Variants in CD47 observed in about 807,000 individuals in gnomAD.
The protein encoded by CD47 is leukocyte surface antigen CD47.
In CD47, 11 loss-of-function variants were observed where a neutral mutation model predicts 44.6. That is an observed-to-expected ratio of 0.25 (90% confidence interval 0.16 to 0.41). CD47 has a LOEUF of 0.41. Ranked by LOEUF, CD47 falls within the 10% of genes least tolerant of loss-of-function variation. The pLI is 1.00. For synonymous variants in CD47, 140 were observed against 136.3 expected, an observed-to-expected ratio of 1.03 and a Z score of -0.19; for missense variants, 306 against 386.7, an observed-to-expected ratio of 0.79 and a Z score of 1.75.
In CD47 at chr3:108,046,705, T is replaced by A. The variant is rs1260906511; in HGVS notation, c.*583A>T. 1 of 152,218 alleles carries A rather than the reference T, an allele frequency of 6.6e-6. No individual in the cohort carries two copies. Among genetic ancestry groups the A allele is most frequent in the South Asian group, 2.1e-4 (1 of 4,812 alleles). 9.4% of individuals were successfully genotyped at this position (152,218 alleles called of 1,614,324 possible). A position where few individuals can be genotyped will look rare whatever the true frequency, so the allele number is the denominator to read the frequency against. ...CCAAGAATGAGGACCACTATCTCCATCAATATCACATCATACGGAGATCAT... is the reference window on the plus strand; with the variant it reads ...CCAAGAATGAGGACCACTATCTCCAACAATATCACATCATACGGAGATCAT... On this transcript the variant is annotated 3_prime_UTR_variant, in exon 11 of 11. Transcript: ENST00000361309.
chr3:108,079,262 G>A (rs879279703), intron 2 of CD47, among the ~76,000 whole-genome samples: 16 of 151,992 alleles, frequency 1.1e-4, no homozygotes, highest in Non-Finnish European at 2.1e-4. Context: ...AGCACAGCAG[G>A]AAACAGCAAG....
chr3:108,068,303 A>C (rs1409366519), intron 3 of CD47, among the ~76,000 whole-genome samples: 1 of 152,208 alleles, frequency 6.6e-6, no homozygotes, highest in Non-Finnish European at 1.5e-5. Flanking sequence ...CATGGGATGC[A>C]CATACATTCG....
rs182581567 is a variant in CD47, at chr3:108,050,206, C to A, written c.934+372G>T. Among the ~76,000 whole-genome samples, 60 of 152,240 alleles carry A rather than the reference C, an allele frequency of 3.9e-4. No homozygotes were observed. In the East Asian group the frequency reaches 0.011, roughly 27 times the overall value. ...GATCTCAACTCACTGCAACATCTGC[C>A]TTCCGGGTTCAAGCAATTCTCCTGC... is the stretch of plus-strand genomic sequence containing the variant. On this transcript the variant is annotated intron_variant, in intron 9 of 10. Coordinates refer to ENST00000361309, the MANE Select transcript of CD47 (RefSeq NM_001777.4).
chr3:108,088,459 C>T (rs2079562853), intron 1 of CD47, among the ~76,000 whole-genome samples: 1 of 152,020 alleles, frequency 6.6e-6, no homozygotes. Context: ...TGGGGCGGCC[C>T]CATAAATACG....
At chr3:108,088,246 G>C (rs780320304) in intron 1 of CD47, among the ~76,000 whole-genome samples, 1 of 152,156 alleles carries the variant, frequency 6.6e-6, no homozygotes, top group Non-Finnish European at 1.5e-5. Flanking sequence ...GCGAATATGC[G>C]TGATTATTTT....
chr3:108,053,730 G>A (rs1022160570), intron 7 of CD47: 1 of 152,228 alleles, frequency 6.6e-6, no homozygotes, highest in African/African-American at 2.4e-5. Flanking sequence ...TCCAGTTTCT[G>A]TTAGTGCCAT....
chr3:108,050,113 T>A (rs780839535), intron 9 of CD47, among the ~76,000 whole-genome samples: 1 of 152,140 alleles, frequency 6.6e-6, no homozygotes, highest in Non-Finnish European at 1.5e-5. Context: ...AAAGTAATAT[T>A]CATAATTCTT....
intron 10 of CD47, among the ~76,000 whole-genome samples, chr3:108,049,087 A>C (rs1298251): frequency 6.8e-6 from 1 of 147,674 alleles, no homozygotes; most frequent in African/African-American, 2.5e-5. Context: ...AAAGCTGAGG[A>C]CGAAACATCT....
Position 108,050,605 on chromosome 3 carries a change from G to GA in CD47, c.910-4dup. 1 of 1,071,058 alleles carries GA rather than the reference G, an allele frequency of 9.3e-7. No individual in the cohort carries two copies. Among genetic ancestry groups the GA allele is most frequent in the South Asian group, 1.6e-5 (1 of 61,928 alleles). The allele number at this position is 1,071,058 out of a possible 1,614,324, so 66.3% of individuals were successfully genotyped here. A position where few individuals can be genotyped will look rare whatever the true frequency, so the allele number is the denominator to read the frequency against. ...TTAAGGGGTTCCTCTACAGCTTTCT[G>GA]AAAAATATTTAAAATATATTTACAT... On this transcript the variant is annotated splice_region_variant and splice_polypyrimidine_tract_variant and intron_variant, in intron 8 of 10. Coordinates refer to ENST00000361309, the MANE Select transcript of CD47 (RefSeq NM_001777.4).
intron 1 of CD47, among the ~76,000 whole-genome samples, chr3:108,087,015 G>C (rs1005898996): frequency 6.6e-6 from 1 of 152,116 alleles, no homozygotes; most frequent in African/African-American, 2.4e-5. Context: ...GAAGCAGAGG[G>C]AGTCCAAACC....
At chr3:108,063,811 T>TA (rs1433926575) in intron 3 of CD47, among the ~76,000 whole-genome samples, 3 of 152,182 alleles carry the variant, frequency 2.0e-5, no homozygotes, top group African/African-American at 7.2e-5. Context: ...TACCCTCAGC[T>TA]ACAACTACTG....
At chr3:108,063,571 T>C (rs1473689199) in intron 3 of CD47, among the ~76,000 whole-genome samples, 1 of 152,216 alleles carries the variant, frequency 6.6e-6, no homozygotes, top group African/African-American at 2.4e-5. Context: ...GGATCTCTTA[T>C]TGATCTTTTC....
At chr3:108,090,738 G>A in intron 1 of CD47, 125 bp downstream of exon 1, 1 of 813,952 alleles carries the variant, frequency 1.2e-6, no homozygotes, top group East Asian at 3.5e-5. Flanking sequence ...GGGCGCTCAG[G>A]GCCCGAGTGT....
At position 108,055,552 on chromosome 3, in the gene CD47, G is replaced by A. The variant is rs760661855; in HGVS notation, c.877+1925C>T. 3.8e-6 allele frequency: 5 copies of A among 1,303,810 alleles called. No individual in the cohort carries two copies. The East Asian group carries it at 2.2e-4, about 58-fold the overall frequency. 80.8% of individuals were successfully genotyped at this position (1,303,810 alleles called of 1,614,324 possible). A position where few individuals can be genotyped will look rare whatever the true frequency, so the allele number is the denominator to read the frequency against. On this transcript the variant is annotated intron_variant, in intron 7 of 10. Coordinates refer to ENST00000361309, the MANE Select transcript of CD47 (RefSeq NM_001777.4). ...CTTCTTGCCTTTCAACTGACTGTAGGTGTCCCTCTGAACCCTGGCATCAGA... is the reference window on the plus strand; with the variant it reads ...CTTCTTGCCTTTCAACTGACTGTAGATGTCCCTCTGAACCCTGGCATCAGA...
At chr3:108,089,486 A>G (rs2079586679) in intron 1 of CD47, among the ~76,000 whole-genome samples, 1 of 152,254 alleles carries the variant, frequency 6.6e-6, no homozygotes, top group Non-Finnish European at 1.5e-5. Flanking sequence ...ATGATACTGT[A>G]TCACTTCATA....
chr3:108,057,687 A>G (rs2078934752), intron 6 of CD47, 118 bp from the exon 7 acceptor site: 1 of 549,054 alleles, frequency 1.8e-6, no homozygotes, highest in African/African-American at 1.9e-5. Context: ...AAAATTATCC[A>G]TATATGTTTA....
intron 3 of CD47, 63 bp from the exon 4 acceptor site, chr3:108,060,915 TGTAAG>T: frequency 9.2e-7 from 1 of 1,088,122 alleles, no homozygotes; most frequent in Non-Finnish European, 1.4e-6. Flanking sequence ...TTTAATAACT[TGTAAG>T]GTACAGAGAC....
At chr3:108,059,040 AAT>A (rs2078966992) in intron 5 of CD47, among the ~76,000 whole-genome samples, 2 of 152,226 alleles carry the variant, frequency 1.3e-5, no homozygotes, top group Non-Finnish European at 2.9e-5. Flanking sequence ...AATTAAAACA[AAT>A]ATGTTTCTAC....
chr3:108,051,275 C>T (rs1044159190), intron 8 of CD47, among the ~76,000 whole-genome samples: 11 of 152,130 alleles, frequency 7.2e-5, no homozygotes, highest in African/African-American at 2.7e-4. Flanking sequence ...GAGCTTATGT[C>T]CACAACATAC....
Sources: allele counts gnomAD v4.1 joint callset (sites outside exome capture counted in the v4.1 genomes callset), GRCh38; gene constraint gnomAD v4.1.1; transcripts MANE v1.5; gene names NCBI Gene and HGNC (gene_info 2026-07-23, HGNC 2026-07-21).